The following PCDH15 variants were observed in gnomAD, a reference collection of about 807,000 sequenced individuals.
PCDH15 encodes protocadherin-15.
PCDH15 carries 129 observed loss-of-function variants against 178.5 expected under a neutral mutation model. The observed-to-expected ratio is 0.72, with a 90% CI of 0.63 to 0.84. The LOEUF is 0.84. PCDH15 is among the 40% of genes least tolerant of loss of function. The pLI, the probability that PCDH15 is intolerant of heterozygous loss-of-function variation, is 0.00. For missense variants in PCDH15, 2,230 were observed against 2,099.9 expected, an observed-to-expected ratio of 1.06 and a Z score of -1.21; for synonymous variants, 800 against 732.0, an observed-to-expected ratio of 1.09 and a Z score of -1.50.
chr10:54,898,881 C>T (rs905448794), intron 2 of PCDH15, among the ~76,000 whole-genome samples: 1 of 152,052 alleles, frequency 6.6e-6, no homozygotes, highest in South Asian at 2.1e-4. Context: ...TTTGTTAATG[C>T]TAAGTGTTTT....
At chr10:54,306,745 G>T (rs993005515) in intron 8 of PCDH15, among the ~76,000 whole-genome samples, 2 of 151,442 alleles carry the variant, frequency 1.3e-5, no homozygotes, top group African/African-American at 4.8e-5. Flanking sequence ...TGTGATTCAA[G>T]CTAGGTCAAT....
At chr10:54,430,824 AGTTT>A (rs1316871490) in intron 3 of PCDH15, among the ~76,000 whole-genome samples, 5 of 152,076 alleles carry the variant, frequency 3.3e-5, no homozygotes, top group East Asian at 1.9e-4. Flanking sequence ...TGAAATAAAA[AGTTT>A]GTTTGTTGAA....
intron 2 of PCDH15, among the ~76,000 whole-genome samples, chr10:55,593,394 T>G (rs142783151): frequency 6.6e-6 from 1 of 152,090 alleles, no homozygotes; most frequent in Non-Finnish European, 1.5e-5. Flanking sequence ...CATGTATAAT[T>G]TATGTATCAA....
At chr10:55,292,365 A>ATATTT (rs887924490) in intron 1 of PCDH15, among the ~76,000 whole-genome samples, 3 of 152,036 alleles carry the variant, frequency 2.0e-5, no homozygotes, top group East Asian at 1.9e-4. Context: ...ATCTTATTTT[A>ATATTT]TATTTTATTT....
At chr10:54,514,024 A>C (rs1217077046) in intron 3 of PCDH15, among the ~76,000 whole-genome samples, 1 of 152,208 alleles carries the variant, frequency 6.6e-6, no homozygotes, top group Non-Finnish European at 1.5e-5. Context: ...CAGGCTTACA[A>C]AATTCTGTCT....
At chr10:54,344,917 A>AC (rs1419650633) in intron 6 of PCDH15, among the ~76,000 whole-genome samples, 8,984 of 145,542 alleles carry the variant, frequency 0.062, 462 homozygotes, top group African/African-American at 0.11. Flanking sequence ...AAAAAAAAAA[A>AC]AAAAAAAAAC....
chr10:55,039,562 T>C (rs1489105966), intron 2 of PCDH15, among the ~76,000 whole-genome samples: 2 of 152,138 alleles, frequency 1.3e-5, no homozygotes, highest in East Asian at 3.9e-4. Context: ...ATGCTTTGCC[T>C]GCTTCTCAGA....
intron 8 of PCDH15, among the ~76,000 whole-genome samples, chr10:54,262,724 TG>T (rs1358665441): frequency 6.6e-6 from 1 of 151,480 alleles, no homozygotes; most frequent in African/African-American, 2.4e-5. Flanking sequence ...TCATGGGGCA[TG>T]GGAGCTGGAC....
At chr10:54,119,695 C>T (rs1036422529) in intron 15 of PCDH15, among the ~76,000 whole-genome samples, 6 of 152,040 alleles carry the variant, frequency 3.9e-5, no homozygotes, top group East Asian at 1.9e-4. Flanking sequence ...CATACAGCCA[C>T]GTGACTGTCC....
chr10:54,049,395 T>C (rs1201027406), intron 18 of PCDH15, among the ~76,000 whole-genome samples: 4 of 152,192 alleles, frequency 2.6e-5, no homozygotes, highest in Non-Finnish European at 5.9e-5. Context: ...CTAAGATTTC[T>C]GGTAATATGT....
chr10:55,449,931 C>T (rs1012058430), intron 2 of PCDH15, among the ~76,000 whole-genome samples: 4 of 152,204 alleles, frequency 2.6e-5, no homozygotes, highest in East Asian at 3.9e-4. Flanking sequence ...CATAACATCA[C>T]CAGGTAAGCC....
chr10:55,518,009 T>A (rs886340521), intron 2 of PCDH15, among the ~76,000 whole-genome samples: 1 of 152,116 alleles, frequency 6.6e-6, no homozygotes. Flanking sequence ...CTGAGAAAAC[T>A]GAAGGCTGAG....
At chr10:53,898,130 C>A (rs11003922) in intron 26 of PCDH15, among the ~76,000 whole-genome samples, 15,208 of 136,170 alleles carry the variant, frequency 0.11, 2,260 homozygotes, top group African/African-American at 0.35. Context: ...CCACGCCTGG[C>A]TAATTTTTTG....
intron 3 of PCDH15, among the ~76,000 whole-genome samples, chr10:54,465,187 C>T (rs543360475): frequency 3.0e-4 from 46 of 151,996 alleles, no homozygotes; most frequent in South Asian, 2.1e-4. Flanking sequence ...TTGTTACACG[C>T]GTATAACATG....
intron 3 of PCDH15, among the ~76,000 whole-genome samples, chr10:54,479,262 C>T (rs1019226192): frequency 5.3e-5 from 8 of 151,588 alleles, no homozygotes; most frequent in African/African-American, 1.7e-4. Flanking sequence ...TAAATTCTTC[C>T]CTAAAGCTAT....
At chr10:54,429,023 T>C (rs1010518139) in intron 3 of PCDH15, among the ~76,000 whole-genome samples, 15 of 152,096 alleles carry the variant, frequency 9.9e-5, no homozygotes, top group African/African-American at 3.6e-4. Flanking sequence ...AGAAAAACAC[T>C]GAACAGTGTA....
At chr10:55,313,441 C>T (rs754964180) in intron 1 of PCDH15, among the ~76,000 whole-genome samples, 8 of 152,042 alleles carry the variant, frequency 5.3e-5, no homozygotes, top group Non-Finnish European at 1.0e-4. Context: ...GAACTAACCT[C>T]GTAACAGAAA....
chr10:55,617,427 A>G (rs1302477955), intron 2 of PCDH15, among the ~76,000 whole-genome samples: 1 of 152,124 alleles, frequency 6.6e-6, no homozygotes, highest in East Asian at 1.9e-4. Flanking sequence ...AAGGTCAATA[A>G]CATGCTTATA....
intron 3 of PCDH15, among the ~76,000 whole-genome samples, chr10:54,394,411 C>T (rs1950940204): frequency 6.6e-6 from 1 of 151,712 alleles, no homozygotes; most frequent in Admixed American, 6.6e-5. Flanking sequence ...CCAGGGGAGA[C>T]ATCACATGTC....
Sources: gnomAD v4.1 joint callset for allele counts (sites outside exome capture counted in the v4.1 genomes callset) on GRCh38, gnomAD v4.1.1 for gene constraint, MANE v1.5 for transcripts, NCBI Gene and HGNC (gene_info 2026-07-23, HGNC 2026-07-21) for gene names.